Variants in WDR72 observed in about 807,000 individuals in gnomAD.
WDR72 encodes WD repeat domain 72, also known as WD repeat-containing protein 72.
WDR72 carries 120 observed loss-of-function variants against 124.2 expected under a neutral mutation model. That is an observed-to-expected ratio of 0.97 (90% CI 0.83 to 1.12). WDR72 has a LOEUF of 1.12. WDR72 is among the 50% of genes most tolerant of loss of function. The pLI, the probability that WDR72 is intolerant of heterozygous loss-of-function variation, is 0.00. For synonymous variants in WDR72, 452 were observed against 441.7 expected (o/e 1.02, Z -0.29); for missense variants, 1,387 against 1,278.8 (o/e 1.08, Z -1.29).
intron 18 of WDR72, among the ~76,000 whole-genome samples, chr15:53,546,364 G>C (rs1438552617): frequency 2.0e-5 from 3 of 151,744 alleles, no homozygotes; most frequent in Non-Finnish European, 4.4e-5. Context: ...GTCCTTTGTA[G>C]GGACATGGAT....
At chr15:53,729,257 C>A (rs2018130188) in intron 2 of WDR72, among the ~76,000 whole-genome samples, 1 of 152,040 alleles carries the variant, frequency 6.6e-6, no homozygotes, top group Admixed American at 6.6e-5. Flanking sequence ...TTGGTTTATC[C>A]TCAAAACCTT....
chr15:53,552,127 CATGTGT>C (rs1011132326), intron 18 of WDR72, among the ~76,000 whole-genome samples: 76 of 79,298 alleles, frequency 9.6e-4, no homozygotes, highest in African/African-American at 2.7e-3. Context: ...CTATACCTAT[CATGTGT>C]GTGTGTGTGT....
chr15:53,532,152 T>C (rs1186349773), intron 18 of WDR72, among the ~76,000 whole-genome samples: 1 of 152,078 alleles, frequency 6.6e-6, no homozygotes, highest in Admixed American at 6.6e-5. Context: ...ACGAATGCTG[T>C]CAAGGATGTG....
chr15:53,729,366 A>G (rs150904529), intron 2 of WDR72, among the ~76,000 whole-genome samples: 1,948 of 152,104 alleles, frequency 0.013, 41 homozygotes, highest in African/African-American at 0.045. Flanking sequence ...CTAGCAAGTG[A>G]TCTTCTAAAA....
chr15:53,527,052 GT>G (rs1307880719), intron 18 of WDR72, among the ~76,000 whole-genome samples: 1 of 152,026 alleles, frequency 6.6e-6, no homozygotes, highest in African/African-American at 2.4e-5. Context: ...TTTCACTATG[GT>G]GCATTTAACT....
chr15:53,540,342 C>G (rs1893015662), intron 18 of WDR72, among the ~76,000 whole-genome samples: 1 of 152,022 alleles, frequency 6.6e-6, no homozygotes, highest in Non-Finnish European at 1.5e-5. Flanking sequence ...CAAAACTGGC[C>G]ACATCTTATT....
At position 53,517,331 on chromosome 15, in the gene WDR72, A is replaced by G; in HGVS notation, c.*368T>C. The G allele has an allele frequency of 1.9e-5, 5 of 267,420 alleles. No individual in the cohort carries two copies. The highest frequency in any genetic ancestry group is 1.8e-4 in the South Asian group (4 of 22,324). 16.6% of individuals were successfully genotyped at this position (267,420 alleles called of 1,614,324 possible). On this transcript the variant is annotated 3_prime_UTR_variant, in exon 20 of 20. Coordinates refer to ENST00000360509, the MANE Select transcript of WDR72 (RefSeq NM_182758.4). ...TATTGTGTACTACATTGGTTTTAAC[A>G]TTGTTTATTATATAATTCAGGGACT... is the stretch of plus-strand genomic sequence containing the variant.
At chr15:53,595,099 A>T (rs2012708580) in intron 18 of WDR72, among the ~76,000 whole-genome samples, 2 of 152,112 alleles carry the variant, frequency 1.3e-5, no homozygotes, top group Admixed American at 1.3e-4. Flanking sequence ...AAGTATTCTA[A>T]ATTTCTTCCA....
At chr15:53,620,375 T>G (rs2013942261) in intron 14 of WDR72, among the ~76,000 whole-genome samples, 1 of 151,964 alleles carries the variant, frequency 6.6e-6, no homozygotes, top group Non-Finnish European at 1.5e-5. Flanking sequence ...TGCAGATTTC[T>G]TAAAATATTT....
intron 14 of WDR72, among the ~76,000 whole-genome samples, chr15:53,618,434 T>C (rs908197218): frequency 1.3e-5 from 2 of 152,054 alleles, no homozygotes; most frequent in African/African-American, 4.8e-5. Context: ...TAAAATTTAT[T>C]ACTTTTATTG....
chr15:53,593,491 G>A (rs2012611070), intron 18 of WDR72, among the ~76,000 whole-genome samples: 1 of 152,058 alleles, frequency 6.6e-6, no homozygotes, highest in African/African-American at 2.4e-5. Flanking sequence ...AGAGTAAGAT[G>A]TATACCACTG....
chr15:53,612,421 A>G (rs945908209), intron 16 of WDR72, among the ~76,000 whole-genome samples: 1 of 152,082 alleles, frequency 6.6e-6, no homozygotes, highest in Non-Finnish European at 1.5e-5. Flanking sequence ...CTGCAGTGAT[A>G]AAGTGGCATT....
At chr15:53,538,326 C>T (rs1227363143) in intron 18 of WDR72, among the ~76,000 whole-genome samples, 2 of 152,178 alleles carry the variant, frequency 1.3e-5, no homozygotes, top group Non-Finnish European at 2.9e-5. Context: ...TGCACCATCA[C>T]TTGTGCATGG....
chr15:53,559,467 T>C (rs1894054263), intron 18 of WDR72, among the ~76,000 whole-genome samples: 1 of 152,016 alleles, frequency 6.6e-6, no homozygotes, highest in East Asian at 1.9e-4. Flanking sequence ...TGAGCTTCCT[T>C]TCCTTGCCCT....
intron 14 of WDR72, among the ~76,000 whole-genome samples, chr15:53,649,439 T>C (rs1395600972): frequency 6.6e-6 from 1 of 152,170 alleles, no homozygotes; most frequent in East Asian, 1.9e-4. Flanking sequence ...CAATTTTATG[T>C]GTTAAATCCC....
At chr15:53,688,204 T>C (rs1432356129) in intron 13 of WDR72, among the ~76,000 whole-genome samples, 2 of 150,704 alleles carry the variant, frequency 1.3e-5, no homozygotes, top group Non-Finnish European at 2.9e-5. Context: ...TGTTGGAAGT[T>C]CTGGCCAGGG....
At position 53,514,544 on chromosome 15, in the gene WDR72, G is replaced by T. The variant is rs748164539; in HGVS notation, c.*3155C>A. On this transcript the variant is annotated 3_prime_UTR_variant, in exon 20 of 20. Coordinates refer to ENST00000360509, the MANE Select transcript of WDR72 (RefSeq NM_182758.4). ...ACACTGGAAAAAATGTATGAGAAAA[G>T]AAATAAAAGTCACCAAATGCTATCA... 4 of 152,116 alleles carry T rather than the reference G, an allele frequency of 2.6e-5. No homozygotes were observed. The highest frequency in any genetic ancestry group is 5.9e-5 in the Non-Finnish European group (4 of 67,952). 9.4% of individuals were successfully genotyped at this position (152,116 alleles called of 1,614,324 possible).
intron 14 of WDR72, among the ~76,000 whole-genome samples, chr15:53,618,081 G>T (rs2013841059): frequency 1.3e-5 from 2 of 151,976 alleles, no homozygotes. Flanking sequence ...TAATGTAAAT[G>T]AACTGTTTAA....
chr15:53,532,295 A>C (rs1892524703), intron 18 of WDR72, among the ~76,000 whole-genome samples: 1 of 152,144 alleles, frequency 6.6e-6, no homozygotes, highest in African/African-American at 2.4e-5. Flanking sequence ...TGTGGGGTAC[A>C]TGTCCAAAAC....
Sources: gnomAD v4.1 joint callset for allele counts (sites outside exome capture counted in the v4.1 genomes callset) on GRCh38, gnomAD v4.1.1 for gene constraint, MANE v1.5 for transcripts, NCBI Gene and HGNC (gene_info 2026-07-23, HGNC 2026-07-21) for gene names.